Variants in MARCHF8 observed in about 807,000 individuals in gnomAD.
MARCHF8 encodes the protein membrane associated ring-CH-type finger 8.
A neutral mutation model predicts 51.6 loss-of-function variants in MARCHF8; 40 were observed. The ratio of observed to expected loss-of-function variants is 0.77; its 90% CI spans 0.60 to 1.01. MARCHF8 has a LOEUF of 1.01. Ranked by LOEUF, MARCHF8 falls within the 50% of genes least tolerant of loss-of-function variation. The pLI is 0.00. For synonymous variants in MARCHF8, 263 were observed against 280.3 expected (o/e 0.94, Z 0.62); for missense variants, 685 against 708.6 (o/e 0.97, Z 0.38).
At chr10:45,477,617 A>T (rs1235962956) in intron 3 of MARCHF8, among the ~76,000 whole-genome samples, 1 of 152,156 alleles carries the variant, frequency 6.6e-6, no homozygotes, top group African/African-American at 2.4e-5. Flanking sequence ...GGAAAGACAG[A>T]GACTGGCTGA....
intron 1 of MARCHF8, among the ~76,000 whole-genome samples, chr10:45,548,147 G>A (rs1488468207): frequency 6.6e-6 from 1 of 152,192 alleles, no homozygotes; most frequent in Non-Finnish European, 1.5e-5. Context: ...TGCCAACAAT[G>A]CTACCCAGTA....
chr10:45,487,052 C>T (rs1276554286), intron 3 of MARCHF8, among the ~76,000 whole-genome samples: 1 of 151,456 alleles, frequency 6.6e-6, no homozygotes, highest in Non-Finnish European at 1.5e-5. Flanking sequence ...CTCAGGTGAT[C>T]CGCCCGCTTC....
chr10:45,539,492 G>C (rs1477490481), upstream of MARCHF8, among the ~76,000 whole-genome samples: 2 of 152,188 alleles, frequency 1.3e-5, no homozygotes, highest in Non-Finnish European at 2.9e-5. Context: ...AGGAAATAGA[G>C]ACACAAAAGA....
chr10:45,495,208 G>A (rs549271146), intron 2 of MARCHF8, among the ~76,000 whole-genome samples: 4 of 151,366 alleles, frequency 2.6e-5, no homozygotes, highest in African/African-American at 9.7e-5. Flanking sequence ...TGCAATATTA[G>A]ACATTAAAAC....
At chr10:45,593,640 G>C (rs1455000559) in intron 1 of MARCHF8, 1 of 152,196 alleles carries the variant, frequency 6.6e-6, no homozygotes, top group Non-Finnish European at 1.5e-5. Context: ...TCAGCAATGA[G>C]GAATGAAGTC....
intron 1 of MARCHF8, among the ~76,000 whole-genome samples, chr10:45,592,464 CG>C (rs967641919): frequency 1.3e-5 from 2 of 151,748 alleles, no homozygotes; most frequent in African/African-American, 4.8e-5. Context: ...GTGTCTTTTA[CG>C]GGGGGGAAAA....
upstream of MARCHF8, chr10:45,535,485 G>C (rs2043959135): frequency 6.6e-6 from 1 of 152,062 alleles, no homozygotes; most frequent in Non-Finnish European, 1.5e-5. Flanking sequence ...GATGCAAGAG[G>C]GTCTCAAATT....
At chr10:45,578,842 G>A (rs2044518905) in intron 1 of MARCHF8, among the ~76,000 whole-genome samples, 1 of 152,106 alleles carries the variant, frequency 6.6e-6, no homozygotes, top group South Asian at 2.1e-4. Flanking sequence ...AAAAGTGAGG[G>A]ACATTCTAAA....
intron 2 of MARCHF8, among the ~76,000 whole-genome samples, chr10:45,522,477 C>T (rs1451194651): frequency 7.0e-6 from 1 of 143,404 alleles, no homozygotes; most frequent in South Asian, 2.2e-4. Context: ...CCTTGGGTAA[C>T]AATCCTGGGG....
intron 3 of MARCHF8, among the ~76,000 whole-genome samples, chr10:45,472,437 T>C (rs2042709715): frequency 6.6e-6 from 1 of 152,196 alleles, no homozygotes. Context: ...ATTCTCAAAC[T>C]TGTTGGCCAC....
Position 45,463,441 on chromosome 10 carries a change from CGA to C in MARCHF8, c.796_797del (p.Ser266AlafsTer13), listed in dbSNP as rs2132933405. On this transcript the variant is annotated frameshift_variant, in exon 5 of 8. Coordinates refer to ENST00000453424, the MANE Select transcript of MARCHF8 (RefSeq NM_001282866.2). LOFTEE classifies it high-confidence loss of function. ...GCAGGCTGCTGGCGCTCAAGCCGTG[CGA>C]GAGTGAGAACAGGTACTGGAGCAGT... ...RQLLQYLFSL[S>X]HGLSASSLHR... 2 of 1,550,600 alleles carry C rather than the reference CGA, an allele frequency of 1.3e-6. No homozygotes were observed. The highest frequency in any genetic ancestry group is 4.9e-5 in the East Asian group (2 of 40,924).
At chr10:45,519,214 A>G (rs993153036) in intron 2 of MARCHF8, among the ~76,000 whole-genome samples, 1 of 152,232 alleles carries the variant, frequency 6.6e-6, no homozygotes, top group Non-Finnish European at 1.5e-5. Context: ...GTTCATGAGT[A>G]AGGTATCATC....
intron 1 of MARCHF8, among the ~76,000 whole-genome samples, chr10:45,570,840 A>C (rs1489344285): frequency 6.6e-6 from 1 of 152,188 alleles, no homozygotes; most frequent in Non-Finnish European, 1.5e-5. Flanking sequence ...AACGTTTCTC[A>C]ATACCAAAAA....
intron 3 of MARCHF8, among the ~76,000 whole-genome samples, chr10:45,468,987 C>T (rs1387356782): frequency 2.0e-5 from 3 of 151,960 alleles, no homozygotes; most frequent in South Asian, 2.1e-4. Context: ...CACACACCTG[C>T]GGGAAGAGGT....
chr10:45,567,180 C>T (rs988687077), intron 1 of MARCHF8, among the ~76,000 whole-genome samples: 1 of 152,144 alleles, frequency 6.6e-6, no homozygotes, highest in Non-Finnish European at 1.5e-5. Context: ...GGTTATTAAG[C>T]CCTTGCCAGC....
At chr10:45,459,404 G>A (rs890579132) in intron 6 of MARCHF8, 137 bp from the exon 7 acceptor site, 9 of 1,041,606 alleles carry the variant, frequency 8.6e-6, no homozygotes, top group Middle Eastern at 2.8e-4. Flanking sequence ...CCCAAGTATT[G>A]TTCTCCTAAA....
At chr10:45,592,005 T>C (rs1171305179) in intron 1 of MARCHF8, among the ~76,000 whole-genome samples, 1 of 152,202 alleles carries the variant, frequency 6.6e-6, no homozygotes, top group Non-Finnish European at 1.5e-5. Flanking sequence ...GCCTTCATCA[T>C]ATTATCCTCA....
chr10:45,552,309 T>TAA (rs35314230), intron 1 of MARCHF8, among the ~76,000 whole-genome samples: 1,875 of 141,948 alleles, frequency 0.013, 22 homozygotes, highest in Middle Eastern at 0.036. Flanking sequence ...TGGTAGAATT[T>TAA]AAAAAAAAAA....
intron 2 of MARCHF8, among the ~76,000 whole-genome samples, chr10:45,516,151 C>T (rs978270336): frequency 6.6e-6 from 1 of 152,190 alleles, no homozygotes; most frequent in African/African-American, 2.4e-5. Context: ...TCTACAGAGA[C>T]TTATTTCCTT....
Sources: allele counts gnomAD v4.1 joint callset (sites outside exome capture counted in the v4.1 genomes callset), GRCh38; gene constraint gnomAD v4.1.1; transcripts MANE v1.5; gene names NCBI Gene and HGNC (gene_info 2026-07-23, HGNC 2026-07-21).